The following RPTOR variants were observed in gnomAD, a reference collection of about 807,000 sequenced individuals.
RPTOR encodes the protein regulatory associated protein of MTOR complex 1.
Under a neutral mutation model 169.9 loss-of-function variants are expected in RPTOR, and 21 were observed. The observed-to-expected ratio is 0.12, with a 90% confidence interval of 0.09 to 0.18. RPTOR has a LOEUF of 0.18. Among genes scored for constraint, RPTOR ranks in the 10% least tolerant of loss-of-function variants. The probability of loss-of-function intolerance (pLI) is 1.00; values close to 1 mark genes in which losing one functional copy is unlikely to be tolerated. For missense variants in RPTOR, 1,133 were observed against 1,855.9 expected (o/e 0.61, Z 7.16); for synonymous variants, 732 against 753.2 (o/e 0.97, Z 0.46).
At chr17:80,636,836 C>T (rs1032130) in intron 2 of RPTOR, among the ~76,000 whole-genome samples, 11,985 of 152,176 alleles carry the variant, frequency 0.079, 585 homozygotes, top group Middle Eastern at 0.13. Flanking sequence ...GAATCCGTGC[C>T]TCTTCCGCTG....
At chr17:80,713,099 G>A (rs989633080) in intron 4 of RPTOR, among the ~76,000 whole-genome samples, 8 of 151,956 alleles carry the variant, frequency 5.3e-5, no homozygotes, top group Non-Finnish European at 8.8e-5. Context: ...ATGGGGTTTC[G>A]CTCTTGTTGC....
intron 6 of RPTOR, chr17:80,773,940 G>C (rs1183443495): frequency 1.0e-6 from 1 of 985,038 alleles, no homozygotes; most frequent in African/African-American, 1.8e-5. Context: ...TATGCGGCCT[G>C]CCCTGGGGGC....
intron 23 of RPTOR, 85 bp from the exon 24 acceptor site, chr17:80,925,285 C>T (rs1598404760): frequency 8.3e-7 from 1 of 1,203,802 alleles, no homozygotes; most frequent in East Asian, 2.5e-5. Context: ...GCCTTTGTCC[C>T]CAGCTGCAGC....
chr17:80,877,585 G>A (rs1197791377), intron 13 of RPTOR, among the ~76,000 whole-genome samples: 2 of 152,240 alleles, frequency 1.3e-5, no homozygotes, highest in Admixed American at 6.5e-5. Context: ...GAGCTTCACC[G>A]TGAATGTGTG....
At chr17:80,549,798 ACT>A (rs1331047263) in intron 1 of RPTOR, among the ~76,000 whole-genome samples, 12 of 152,204 alleles carry the variant, frequency 7.9e-5, no homozygotes, top group Non-Finnish European at 1.6e-4. Flanking sequence ...ACTGACAGAC[ACT>A]CTGTCTACAT....
chr17:80,845,526 G>A lies in RPTOR; in HGVS notation c.1213-947G>A, dbSNP rs74980430. Among the ~76,000 whole-genome samples, 79 of 151,594 alleles carry A rather than the reference G, an allele frequency of 5.2e-4. No homozygotes were observed. In the East Asian group the frequency reaches 0.015, roughly 28 times the overall value. On this transcript the variant is annotated intron_variant, in intron 10 of 33. Transcript: ENST00000306801. This position sits in a 1 kb window ranked among gnomAD's most constrained non-coding sequence, Gnocchi z 5.4. ...GGCCCCCTTGCTTTGCCGCCTGCCT[G>A]GTTCCCCTGGGGAGCAGCCCTGCTC...
intron 24 of RPTOR, among the ~76,000 whole-genome samples, chr17:80,927,740 C>CCCTGTGTGTGTA (rs1555636516): frequency 1.1e-5 from 1 of 91,592 alleles, no homozygotes; most frequent in Non-Finnish European, 2.4e-5. Flanking sequence ...TTCTGTGTGT[C>CCCTGTGTGTGTA]TGTGTGTGTG....
chr17:80,668,122 TACC>T (rs1211547488), intron 3 of RPTOR, among the ~76,000 whole-genome samples: 1 of 103,544 alleles, frequency 9.7e-6, no homozygotes, highest in Non-Finnish European at 2.5e-5. Context: ...AGTAAACAGT[TACC>T]ACATTTCCCT....
At chr17:80,698,858 A>G (rs889150930) in intron 3 of RPTOR, among the ~76,000 whole-genome samples, 1 of 152,184 alleles carries the variant, frequency 6.6e-6, no homozygotes, top group Non-Finnish European at 1.5e-5. Flanking sequence ...TTCAGGGGGT[A>G]GTGCCCATCC....
In RPTOR at chr17:80,844,971, T is replaced by C. The variant is rs1016233065; in HGVS notation, c.1213-1502T>C. ...ATAGTGGATGGGAGAGAGAGGCTGG[T>C]AGTTGTTTTTTTTTTTTTCTTTAAT... On this transcript the variant is annotated intron_variant, in intron 10 of 33. Transcript: ENST00000306801. The surrounding 1 kb of genome is among the most constrained non-coding windows in gnomAD (Gnocchi z 4.7). Among the ~76,000 whole-genome samples the C allele has an allele frequency of 7.2e-6, 1 of 139,632 alleles. No homozygotes were observed. The highest frequency in any genetic ancestry group is 1.5e-5 in the Non-Finnish European group (1 of 66,354). The allele number at this position is 139,632 out of a possible 152,430, so 91.6% of individuals were successfully genotyped here. A position where few individuals can be genotyped will look rare whatever the true frequency, so the allele number is the denominator to read the frequency against.
Position 80,842,457 on chromosome 17 carries a change from G to A in RPTOR, c.1213-4016G>A, listed in dbSNP as rs528305740. ...TTCACATTTCTCGGAGTGATCCTTC[G>A]GGGTCCCAGGGTTTGCCCATATTCA... On this transcript the variant is annotated intron_variant, in intron 10 of 33. Coordinates refer to ENST00000306801, the MANE Select transcript of RPTOR (RefSeq NM_020761.3). Among the ~76,000 whole-genome samples, 4 of 152,112 alleles carry A rather than the reference G, an allele frequency of 2.6e-5. No individual in the cohort carries two copies. In the East Asian group the frequency reaches 5.8e-4, roughly 22 times the overall value.
At chr17:80,642,077 A>T (rs1409953085) in intron 2 of RPTOR, among the ~76,000 whole-genome samples, 27 of 152,212 alleles carry the variant, frequency 1.8e-4, no homozygotes, top group Admixed American at 1.8e-3. Flanking sequence ...TTCAAATAAA[A>T]AAAATAAAAT....
intron 4 of RPTOR, among the ~76,000 whole-genome samples, chr17:80,728,536 A>T (rs1011797881): frequency 6.6e-5 from 10 of 151,422 alleles, no homozygotes; most frequent in African/African-American, 2.2e-4. Context: ...TTGAATTGTT[A>T]ATTCCTTCTT....
intron 13 of RPTOR, among the ~76,000 whole-genome samples, chr17:80,870,020 A>G (rs1187213529): frequency 6.6e-6 from 1 of 152,156 alleles, no homozygotes; most frequent in African/African-American, 2.4e-5. Flanking sequence ...TGCTGTTAGC[A>G]TTTGTGTATC....
chr17:80,689,459 T>G (rs2065973333), intron 3 of RPTOR, among the ~76,000 whole-genome samples: 2 of 152,364 alleles, frequency 1.3e-5, no homozygotes, highest in South Asian at 4.1e-4. Flanking sequence ...GTCTTACGCA[T>G]GTGGTCAGAG....
At chr17:80,733,616 A>G (rs910175607) in intron 5 of RPTOR, among the ~76,000 whole-genome samples, 1 of 152,230 alleles carries the variant, frequency 6.6e-6, no homozygotes, top group African/African-American at 2.4e-5. Flanking sequence ...ACAAACCAAG[A>G]ACAGAGCTGC....
chr17:80,602,980 C>A (rs1046098322), intron 1 of RPTOR: 4 of 342,222 alleles, frequency 1.2e-5, no homozygotes, highest in Non-Finnish European at 1.7e-5. Context: ...CTTGGGTTGT[C>A]CATTGGATGA....
rs762719466 is a variant in RPTOR at position 80,957,672 on chromosome 17, G to A, written c.3419G>A (p.Ser1140Asn). The change falls in exon 29 of 34, where the codon AGC becomes AAC. Residue 1140 changes from serine to asparagine, a missense_variant. Ser to Asn is a conservative substitution (Grantham distance 46). Transcript: ENST00000306801. This position sits in a 1 kb window ranked among gnomAD's most constrained non-coding sequence, Gnocchi z 4.6. The part of the protein sequence containing the change: ...DWEQETGLLM[S>N]SGDVRIVRIW... ...GAGCAGGAGACCGGCCTCCTCATGAGCTCAGGAGACGTGCGGATCGTCCGG... is the reference window on the plus strand; with the variant it reads ...GAGCAGGAGACCGGCCTCCTCATGAACTCAGGAGACGTGCGGATCGTCCGG... 6.2e-7 allele frequency: 1 copy of A among 1,614,192 alleles called. No homozygotes were observed. The highest frequency in any genetic ancestry group is 1.7e-5 in the Admixed American group (1 of 60,038).
At position 80,876,721 on chromosome 17, in the gene RPTOR, G is replaced by A. The variant is rs565508172; in HGVS notation, c.1510-3694G>A. Among the ~76,000 whole-genome samples the A allele has an allele frequency of 8.1e-4, 86 of 106,208 alleles. 1 individual carries two copies. The highest frequency in any genetic ancestry group is 8.9e-3 in the Middle Eastern group (1 of 112). The allele number at this position is 106,208 out of a possible 152,430, so 69.7% of individuals were successfully genotyped here. ...CCCCTCCACCCAGGATGTGTGTGTC[G>A]CCTGCCGGGTCTTCCACCGAGCCCG... On this transcript the variant is annotated intron_variant, in intron 13 of 33. Coordinates refer to ENST00000306801, the MANE Select transcript of RPTOR (RefSeq NM_020761.3).
Sources: gnomAD v4.1 joint callset for allele counts (sites outside exome capture counted in the v4.1 genomes callset) on GRCh38, gnomAD v4.1.1 for gene constraint, Gnocchi (gnomAD v3.1) non-coding constraint, MANE v1.5 for transcripts, NCBI Gene and HGNC (gene_info 2026-07-23, HGNC 2026-07-21) for gene names.